Variants in GTF2IRD1 observed in about 807,000 individuals in gnomAD.
GTF2IRD1 encodes GTF2I repeat domain containing 1.
A neutral mutation model predicts 113.2 loss-of-function variants in GTF2IRD1; 26 were observed. That is an observed-to-expected ratio of 0.23 (90% CI 0.17 to 0.32). GTF2IRD1 has a LOEUF of 0.32. Ranked by LOEUF, GTF2IRD1 falls within the 10% of genes least tolerant of loss-of-function variation. The probability of loss-of-function intolerance (pLI) is 1.00; values close to 1 mark genes in which losing one functional copy is unlikely to be tolerated. For missense variants in GTF2IRD1, 864 were observed against 1,280.8 expected (o/e 0.67, Z 4.97); for synonymous variants, 484 against 529.1 (o/e 0.91, Z 1.17).
chr7:74,491,175 A>G (rs1172998442), intron 1 of GTF2IRD1, among the ~76,000 whole-genome samples: 5 of 151,940 alleles, frequency 3.3e-5, no homozygotes, highest in South Asian at 2.1e-4. Flanking sequence ...GCGTGGTGGC[A>G]GGCACCTGTA....
intron 17 of GTF2IRD1, among the ~76,000 whole-genome samples, chr7:74,551,428 C>T (rs1221565535): frequency 6.6e-6 from 1 of 152,194 alleles, no homozygotes; most frequent in Non-Finnish European, 1.5e-5. Flanking sequence ...CTGCCAGGTC[C>T]CGGGCTTGCA....
intron 20 of GTF2IRD1, 37 bp downstream of exon 20, chr7:74,557,759 C>T: frequency 7.7e-7 from 1 of 1,296,176 alleles, no homozygotes; most frequent in South Asian, 1.2e-5. Context: ...GGACACGCAG[C>T]TGCTGTGCAC....
chr7:74,580,341 C>T (rs1801339896), intron 22 of GTF2IRD1, among the ~76,000 whole-genome samples: 2 of 152,064 alleles, frequency 1.3e-5, no homozygotes, highest in Admixed American at 6.6e-5. Context: ...CCCTCTAAAC[C>T]GCCCTTGCCC....
chr7:74,480,545 G>T, intron 1 of GTF2IRD1, among the ~76,000 whole-genome samples: 1 of 152,178 alleles, frequency 6.6e-6, no homozygotes, highest in Admixed American at 6.5e-5. Context: ...CCATAGGCAC[G>T]CAGGCCCGCG....
At chr7:74,529,130 C>A (rs1797810566) in intron 8 of GTF2IRD1, among the ~76,000 whole-genome samples, 1 of 151,892 alleles carries the variant, frequency 6.6e-6, no homozygotes, top group African/African-American at 2.4e-5. Flanking sequence ...GGGGAAGCAC[C>A]AAGGGGGCGG....
intron 25 of GTF2IRD1, among the ~76,000 whole-genome samples, chr7:74,595,331 G>A (rs587682644): frequency 1.3e-3 from 190 of 151,468 alleles, no homozygotes; most frequent in Middle Eastern, 3.4e-3. Flanking sequence ...GCGTGAACCC[G>A]GGAGGCAGAG....
intron 22 of GTF2IRD1, among the ~76,000 whole-genome samples, chr7:74,576,556 A>G (rs1373016955): frequency 6.6e-6 from 1 of 151,078 alleles, no homozygotes; most frequent in Non-Finnish European, 1.5e-5. Flanking sequence ...AAAAAAAAAA[A>G]AAAAAGATGT....
intron 1 of GTF2IRD1, among the ~76,000 whole-genome samples, chr7:74,488,821 G>T (rs1795164736): frequency 1.3e-5 from 2 of 151,402 alleles, no homozygotes; most frequent in African/African-American, 4.9e-5. Context: ...AAGAAGAAAA[G>T]AAACCTCTAC....
intron 1 of GTF2IRD1, among the ~76,000 whole-genome samples, chr7:74,461,252 GGTT>G (rs1230727502): frequency 1.3e-5 from 2 of 152,160 alleles, no homozygotes; most frequent in Non-Finnish European, 2.9e-5. Flanking sequence ...GAGGCTGCAT[GGTT>G]GGGGAGGGTA....
chr7:74,536,832 C>G (rs1427246786), intron 11 of GTF2IRD1, among the ~76,000 whole-genome samples: 1 of 151,880 alleles, frequency 6.6e-6, no homozygotes, highest in Admixed American at 6.6e-5. Context: ...CACACCAGGC[C>G]GGACTTGGTG....
Position 74,508,078 on chromosome 7 carries a change from A to T in GTF2IRD1, c.-3A>T. On this transcript the variant is annotated 5_prime_UTR_variant, in exon 2 of 27. Coordinates refer to ENST00000424337, the MANE Select transcript of GTF2IRD1 (RefSeq NM_005685.4). The stretch of plus-strand genomic sequence containing the variant: ...ACTGCCTCCTCCCTCCCCACAGGCG[A>T]CCATGGCCTTGCTGGGTAAGCGCTG... 1 of 1,605,560 alleles carries T rather than the reference A, an allele frequency of 6.2e-7. No homozygotes were observed. The highest frequency in any genetic ancestry group is 8.5e-7 in the Non-Finnish European group (1 of 1,179,260).
At chr7:74,557,213 G>A (rs1799652932) in intron 19 of GTF2IRD1, among the ~76,000 whole-genome samples, 1 of 152,146 alleles carries the variant, frequency 6.6e-6, no homozygotes, top group South Asian at 2.1e-4. Context: ...CCCATCCCCT[G>A]TGTCTGTGGG....
intron 22 of GTF2IRD1, among the ~76,000 whole-genome samples, chr7:74,566,006 A>ACACAC (rs1800285278): frequency 2.0e-4 from 29 of 143,114 alleles, no homozygotes; most frequent in African/African-American, 7.3e-4. Context: ...AAGACACACA[A>ACACAC]ACACACACAC....
At position 74,551,629 on chromosome 7, in the gene GTF2IRD1, G is replaced by T. The variant is rs1554355037; in HGVS notation, c.1917-3545G>T. 2.0e-5 allele frequency among the ~76,000 whole-genome samples: 3 copies of T among 152,144 alleles called. 1 individual carries two copies. Among genetic ancestry groups the T allele is most frequent in the Admixed American group, 2.0e-4 (3 of 15,276 alleles). ...GTGACCCAATGAAGGGAGAGGGCCA[G>T]CCAGGTGCATAAAGAGTGTGGGAGC... On this transcript the variant is annotated intron_variant, in intron 17 of 26. Transcript: ENST00000424337.
intron 1 of GTF2IRD1, among the ~76,000 whole-genome samples, chr7:74,493,573 C>G (rs1175081183): frequency 6.6e-6 from 1 of 152,098 alleles, no homozygotes; most frequent in Non-Finnish European, 1.5e-5. Flanking sequence ...TTTTGGAGGT[C>G]ATTTTTTTGA....
intron 1 of GTF2IRD1, among the ~76,000 whole-genome samples, chr7:74,492,363 A>G (rs1163725646): frequency 6.6e-6 from 1 of 151,776 alleles, no homozygotes; most frequent in Non-Finnish European, 1.5e-5. Context: ...GTGGAAACTG[A>G]GTTTCACCAT....
At chr7:74,548,651 C>T (rs77251029) in intron 17 of GTF2IRD1, among the ~76,000 whole-genome samples, 27,932 of 151,682 alleles carry the variant, frequency 0.18, 2,717 homozygotes, top group Middle Eastern at 0.21. Context: ...TGCCTGTAGT[C>T]TCAGCTACTC....
intron 1 of GTF2IRD1, among the ~76,000 whole-genome samples, chr7:74,479,752 C>CTTTT (rs1219454712): frequency 4.9e-5 from 6 of 122,138 alleles, no homozygotes; most frequent in East Asian, 2.3e-4. Context: ...GTACATGAAT[C>CTTTT]TTTTTTTTTT....
intron 23 of GTF2IRD1, among the ~76,000 whole-genome samples, chr7:74,590,592 C>T (rs1554369204): frequency 5.9e-5 from 9 of 151,300 alleles, no homozygotes; most frequent in Non-Finnish European, 1.0e-4. Flanking sequence ...GAGGTTTTAC[C>T]GAGTTAGCCA....
Sources: allele counts gnomAD v4.1 joint callset (sites outside exome capture counted in the v4.1 genomes callset), GRCh38; gene constraint gnomAD v4.1.1; transcripts MANE v1.5; gene names NCBI Gene and HGNC (gene_info 2026-07-23, HGNC 2026-07-21).